SLC12A8: variants seen among roughly 807,000 people sequenced by gnomAD.
SLC12A8 encodes the protein solute carrier family 12 member 8, also known as cation-chloride cotransporter 9.
A neutral mutation model predicts 75.6 loss-of-function variants in SLC12A8; 69 were observed. The ratio of observed to expected loss-of-function variants is 0.91; its 90% CI spans 0.75 to 1.11. The LOEUF (loss-of-function observed/expected upper bound fraction) is 1.11. Ranked by LOEUF, SLC12A8 falls within the 50% of genes most tolerant of loss-of-function variation. The pLI is 0.00. For missense variants in SLC12A8, 877 were observed against 896.7 expected (o/e 0.98, Z 0.28); for synonymous variants, 365 against 372.8 (o/e 0.98, Z 0.24).
At chr3:125,145,203 T>C (rs1261634991) in intron 5 of SLC12A8, among the ~76,000 whole-genome samples, 2 of 152,188 alleles carry the variant, frequency 1.3e-5, no homozygotes. Context: ...GCCAAGCCCT[T>C]GTCCAATATG....
intron 5 of SLC12A8, among the ~76,000 whole-genome samples, chr3:125,143,306 C>T (rs1288067614): frequency 6.6e-6 from 1 of 152,164 alleles, no homozygotes; most frequent in Non-Finnish European, 1.5e-5. Flanking sequence ...GGCTGTATTG[C>T]GTTGGACTGT....
At chr3:125,092,602 G>T (rs1245947892) in intron 10 of SLC12A8, among the ~76,000 whole-genome samples, 1 of 152,210 alleles carries the variant, frequency 6.6e-6, no homozygotes, top group South Asian at 2.1e-4. Context: ...ATGAGAGATG[G>T]TCTTTGCTAC....
intron 5 of SLC12A8, among the ~76,000 whole-genome samples, chr3:125,150,107 T>C (rs1933883525): frequency 6.6e-6 from 1 of 152,246 alleles, no homozygotes; most frequent in Non-Finnish European, 1.5e-5. Context: ...TCAAGGACTC[T>C]ATGTTAAAAA....
intron 5 of SLC12A8, among the ~76,000 whole-genome samples, chr3:125,172,869 C>CT (rs1934435725): frequency 6.6e-6 from 1 of 152,072 alleles, no homozygotes; most frequent in African/African-American, 2.4e-5. Context: ...TTTAAAAAAA[C>CT]TTTTTTTCTG....
In SLC12A8 at chr3:125,156,717, C is replaced by A. The variant is rs183734380; in HGVS notation, c.623-20935G>T. Among the ~76,000 whole-genome samples, 125 of 152,328 alleles carry A rather than the reference C, an allele frequency of 8.2e-4. 1 individual carries two copies. Among genetic ancestry groups the A allele is most frequent in the African/African-American group, 2.8e-3 (118 of 41,564 alleles). ...GCATCTGGTCTTCATCTCTACCCCA[C>A]CTCGACTGCATCAGTCCAGGCTGTG... On this transcript the variant is annotated intron_variant, in intron 5 of 13. Transcript: ENST00000469902.
intron 2 of SLC12A8, among the ~76,000 whole-genome samples, chr3:125,205,466 A>C (rs1935209979): frequency 6.6e-6 from 1 of 152,154 alleles, no homozygotes; most frequent in African/African-American, 2.4e-5. Context: ...TATTTTTTAC[A>C]AATATGCAGC....
chr3:125,184,267 G>C (rs992525780), intron 4 of SLC12A8, among the ~76,000 whole-genome samples: 2 of 152,182 alleles, frequency 1.3e-5, no homozygotes, highest in Non-Finnish European at 2.9e-5. Context: ...AACCACGCCC[G>C]ACCTGCAAGC....
intron 9 of SLC12A8, among the ~76,000 whole-genome samples, chr3:125,109,581 G>A (rs1415823358): frequency 1.3e-5 from 2 of 152,216 alleles, no homozygotes; most frequent in Non-Finnish European, 2.9e-5. Flanking sequence ...ATATTAGTGG[G>A]AAATGGGATT....
intron 10 of SLC12A8, among the ~76,000 whole-genome samples, chr3:125,100,076 A>G (rs1938828580): frequency 6.6e-6 from 1 of 152,268 alleles, no homozygotes; most frequent in Admixed American, 6.5e-5. Flanking sequence ...GTGAACTTCA[A>G]GACAAAAATG....
At chr3:125,177,627 T>G in intron 5 of SLC12A8, 116 bp downstream of exon 5, 1 of 635,492 alleles carries the variant, frequency 1.6e-6, no homozygotes, top group Non-Finnish European at 2.6e-6. Flanking sequence ...CTCACACCAA[T>G]TGTAGGTAAA....
chr3:125,083,722 A>C lies in SLC12A8; in HGVS notation c.*168T>G, dbSNP rs1579455890. On this transcript the variant is annotated 3_prime_UTR_variant, in exon 14 of 14. Coordinates refer to ENST00000469902, the MANE Select transcript of SLC12A8 (RefSeq NM_024628.6). ...GGGTGACAGGGCGAGACTCTGTCTC[A>C]AAAAAAAAAAAAAAGGGAAAAGAAA... The C allele has an allele frequency of 9.8e-6, 1 of 102,276 alleles. No individual in the cohort carries two copies. The allele number at this position is 102,276 out of a possible 1,614,324, so 6.3% of individuals were successfully genotyped here. A position where few individuals can be genotyped will look rare whatever the true frequency, so the allele number is the denominator to read the frequency against.
intron 2 of SLC12A8, among the ~76,000 whole-genome samples, chr3:125,210,498 G>A (rs1485822839): frequency 6.6e-6 from 1 of 152,152 alleles, no homozygotes; most frequent in Non-Finnish European, 1.5e-5. Context: ...CCATCACAGG[G>A]GAGATCTCAG....
chr3:125,202,864 G>A (rs1440775791), intron 2 of SLC12A8, among the ~76,000 whole-genome samples: 3 of 151,958 alleles, frequency 2.0e-5, no homozygotes, highest in Non-Finnish European at 4.4e-5. Context: ...AAGGCGGGCG[G>A]ATCACCTGAG....
intron 4 of SLC12A8, among the ~76,000 whole-genome samples, chr3:125,181,003 A>C (rs905918832): frequency 1.3e-5 from 2 of 152,210 alleles, no homozygotes; most frequent in Non-Finnish European, 2.9e-5. Flanking sequence ...GGAGCTAGTA[A>C]ATAATGTGTC....
Position 125,107,941 on chromosome 3 carries a change from C to A in SLC12A8, c.1245G>T (p.Val415=). The change falls in exon 10 of 14, where the codon GTG becomes GTT. Residue 415 remains valine, a synonymous_variant. Coordinates refer to ENST00000469902, the MANE Select transcript of SLC12A8 (RefSeq NM_024628.6). ...LSMCSCSLTP[V]PEPVLREGAE... ...CGCCCTCCCTGAGCACCGGCTCAGGCACCGGGGTCAGGCTGCAGGAACACA... is the reference window on the plus strand; with the variant it reads ...CGCCCTCCCTGAGCACCGGCTCAGGAACCGGGGTCAGGCTGCAGGAACACA... 1.2e-6 allele frequency: 2 copies of A among 1,614,164 alleles called. No homozygotes were observed. The highest frequency in any genetic ancestry group is 1.7e-6 in the Non-Finnish European group (2 of 1,180,010).
At chr3:125,135,593 A>G in intron 6 of SLC12A8, 76 bp downstream of exon 6, 1 of 866,376 alleles carries the variant, frequency 1.2e-6, no homozygotes, top group East Asian at 2.6e-5. Context: ...CCTGCAGGCC[A>G]ATGATGATGC....
intron 2 of SLC12A8, among the ~76,000 whole-genome samples, chr3:125,208,340 T>G (rs1767090): frequency 0.91 from 138,449 of 152,148 alleles, 63,205 homozygotes; most frequent in African/African-American, 0.98. Context: ...TCCTGCCTTA[T>G]GTCTTCTGCC....
At chr3:125,097,683 T>C (rs1011353917) in intron 10 of SLC12A8, among the ~76,000 whole-genome samples, 1 of 152,140 alleles carries the variant, frequency 6.6e-6, no homozygotes, top group Admixed American at 6.5e-5. Context: ...GCAAAGATGC[T>C]CAATGACTCT....
chr3:125,126,651 G>T (rs1933216388), intron 6 of SLC12A8, among the ~76,000 whole-genome samples: 1 of 152,142 alleles, frequency 6.6e-6, no homozygotes, highest in Non-Finnish European at 1.5e-5. Context: ...AGTTTTTCTA[G>T]GCTTTTCAGG....
Sources: gnomAD v4.1 joint callset for allele counts (sites outside exome capture counted in the v4.1 genomes callset) on GRCh38, gnomAD v4.1.1 for gene constraint, MANE v1.5 for transcripts, NCBI Gene and HGNC (gene_info 2026-07-23, HGNC 2026-07-21) for gene names.